The following CASP6 variants were observed in gnomAD, a reference collection of about 807,000 sequenced individuals.
CASP6 encodes the protein caspase-6.
Under a neutral mutation model 31.8 loss-of-function variants are expected in CASP6, and 20 were observed. That is an observed-to-expected ratio of 0.63 (90% CI 0.44 to 0.91). The LOEUF (loss-of-function observed/expected upper bound fraction) is 0.91. Ranked by LOEUF, CASP6 falls within the 40% of genes least tolerant of loss-of-function variation. CASP6 has a pLI of 0.00. For synonymous variants in CASP6, 130 were observed against 127.8 expected (o/e 1.02, Z -0.12); for missense variants, 328 against 361.1 (o/e 0.91, Z 0.74).
the CASP6 span, among the ~76,000 whole-genome samples, chr4:109,674,845 C>T: frequency 6.6e-6 from 1 of 152,174 alleles, no homozygotes; most frequent in Admixed American, 6.5e-5. Flanking sequence ...GGTAAATGAA[C>T]ACTTTTTAAA....
intron 6 of CASP6, among the ~76,000 whole-genome samples, chr4:109,690,202 C>G (rs1290490649): frequency 6.9e-6 from 1 of 145,980 alleles, no homozygotes; most frequent in East Asian, 2.0e-4. Flanking sequence ...AAAATACACA[C>G]ACACACACAC....
chr4:109,709,456 T>C, the CASP6 span, among the ~76,000 whole-genome samples: 1 of 152,186 alleles, frequency 6.6e-6, no homozygotes, highest in East Asian at 1.9e-4. Flanking sequence ...ATTCTTCCTA[T>C]ATCTGAATAG....
intron 5 of CASP6, among the ~76,000 whole-genome samples, chr4:109,693,099 T>C (rs1481986607): frequency 6.6e-6 from 1 of 152,072 alleles, no homozygotes; most frequent in Non-Finnish European, 1.5e-5. Flanking sequence ...GTCTGGGACC[T>C]CTCCCTTGGC....
Position 109,696,989 on chromosome 4 carries a change from T to C in CASP6, c.231-503A>G, listed in dbSNP as rs5030556. Among the ~76,000 whole-genome samples, 871 of 152,018 alleles carry C rather than the reference T, an allele frequency of 5.7e-3. 32 individuals are homozygous for C. The East Asian group carries it at 0.11, about 19-fold the overall frequency. ...TTTTAGGAGAGACAGGGTTTCACCA[T>C]GTTAGCCAGGATGGTCTCAATCTCC... is the stretch of plus-strand genomic sequence containing the variant. On this transcript the variant is annotated intron_variant, in intron 3 of 6. Coordinates refer to ENST00000265164, the MANE Select transcript of CASP6 (RefSeq NM_001226.4).
the CASP6 span, among the ~76,000 whole-genome samples, chr4:109,671,065 G>C: frequency 3.3e-5 from 5 of 152,100 alleles, no homozygotes; most frequent in Admixed American, 1.3e-4. Flanking sequence ...CAATTTTGGC[G>C]ACAGCAATTT....
Position 109,697,711 on chromosome 4 carries a change from A to T in CASP6, c.141T>A (p.Ala47=). 6.2e-7 allele frequency: 1 copy of T among 1,614,104 alleles called. No homozygotes were observed. The highest frequency in any genetic ancestry group is 8.5e-7 in the Non-Finnish European group (1 of 1,179,980). ...AGAACCTCTCATGATTGAAGATTAA[A>T]GCAATTCCTCTCCTCCTGTGGTCCA... ...YKMDHRRRGI[A]LIFNHERFFW... Residue 47 remains alanine, a synonymous_variant, in exon 3 of 7, where the codon GCT becomes GCA. Coordinates refer to ENST00000265164, the MANE Select transcript of CASP6 (RefSeq NM_001226.4).
At chr4:109,704,861 G>A (rs766424729), upstream of CASP6, among the ~76,000 whole-genome samples, 1 of 152,106 alleles carries the variant, frequency 6.6e-6, no homozygotes, top group Non-Finnish European at 1.5e-5. Context: ...GTGCCACCAT[G>A]TCCAGGTTAA....
At chr4:109,706,172 CACACACACAT>C (rs1730615221), upstream of CASP6, among the ~76,000 whole-genome samples, 1 of 58,916 alleles carries the variant, frequency 1.7e-5, no homozygotes, top group African/African-American at 1.1e-4. Context: ...TATATATATA[CACACACACAT>C]ATACACACAC....
At position 109,697,750 on chromosome 4, in the gene CASP6, T is replaced by C; in HGVS notation, c.102A>G (p.Ala34=). The change falls in exon 3 of 7, where the codon GCA becomes GCG. Residue 34 remains alanine, a synonymous_variant. Transcript: ENST00000265164. ...TCCTGTGGTCCATTTTGTACTTTTC[T>C]GCCGGATCAAACATTTCTCTGTTAA... is the stretch of plus-strand genomic sequence containing the variant. ...AFYKREMFDP[A]EKYKMDHRRR... 6.2e-7 allele frequency: 1 copy of C among 1,613,552 alleles called. No homozygotes were observed. Among genetic ancestry groups the C allele is most frequent in the Non-Finnish European group, 8.5e-7 (1 of 1,179,802 alleles).
intron 1 of CASP6, 116 bp from the exon 2 acceptor site, chr4:109,698,458 G>C: frequency 7.8e-6 from 6 of 766,498 alleles, no homozygotes; most frequent in Non-Finnish European, 1.2e-5. Context: ...GTTTTGGTTA[G>C]TTTAAAAGCC....
rs780123850 is a variant in CASP6, at chr4:109,690,897, G to A, written c.596C>T (p.Thr199Met). The change falls in exon 6 of 7, where the codon ACG becomes ATG. Residue 199 changes from threonine to methionine, a missense_variant. Transcript: ENST00000265164. ...ITEVDAASVY[T>M]LPAGADFLMC... ...GAGGAAGTCAGCTCCAGCAGGCAGC[G>A]TGTAAACGGAGGCTGCATCCACCTC... 11 of 1,613,006 alleles carry A rather than the reference G, an allele frequency of 6.8e-6. No homozygotes were observed. The highest frequency in any genetic ancestry group is 3.3e-5 in the Admixed American group (2 of 59,890).
At chr4:109,681,850 C>G in the CASP6 span, among the ~76,000 whole-genome samples, 1 of 152,232 alleles carries the variant, frequency 6.6e-6, no homozygotes, top group Non-Finnish European at 1.5e-5. Context: ...CGAGCAGTAA[C>G]AAACACGAAC....
chr4:109,682,085 G>T, the CASP6 span, among the ~76,000 whole-genome samples: 1 of 152,128 alleles, frequency 6.6e-6, no homozygotes, highest in Non-Finnish European at 1.5e-5. Context: ...CTGGTTGGGT[G>T]TGAGCCAAGT....
upstream of CASP6, among the ~76,000 whole-genome samples, chr4:109,707,970 C>T (rs572305195): frequency 4.6e-5 from 7 of 152,254 alleles, no homozygotes; most frequent in East Asian, 1.9e-4. Context: ...TGTAATTCCT[C>T]TGGACCTTGT....
In CASP6 at chr4:109,689,350, A is replaced by G. The variant is rs754263290; in HGVS notation, c.862T>C (p.Phe288Leu). 2 of 1,614,026 alleles carry G rather than the reference A, an allele frequency of 1.2e-6. No individual in the cohort carries two copies. The highest frequency in any genetic ancestry group is 1.7e-5 in the Admixed American group (1 of 60,008). The change falls in exon 7 of 7, where the codon TTC (phenylalanine) becomes CTC (leucine). Residue 288 changes from phenylalanine to leucine, a missense_variant. Physicochemically the swap from Phe to Leu is conservative, Grantham distance 22. Transcript: ENST00000265164. ...FASMLTKKLH[F>L]FPKSN ...ATTAATTAATTAGATTTTGGAAAGA[A>G]ATGCAGCTTTTTAGTTAGCATTGAG...
chr4:109,684,347 C>G, downstream of CASP6: 1 of 956,708 alleles, frequency 1.0e-6, no homozygotes, highest in Admixed American at 2.9e-5. Context: ...CAGGCGTGAG[C>G]CACCGCGCCC....
At position 109,694,714 on chromosome 4, in the gene CASP6, A is replaced by G. The variant is rs1407288737; in HGVS notation, c.308-14T>C. The stretch of plus-strand genomic sequence containing the variant: ...TAACAGTTGACACTATAAAGGACCC[A>G]AAAGAGAATATAGAAATGAAAATAT... On this transcript the variant is annotated splice_polypyrimidine_tract_variant and intron_variant, in intron 4 of 6. Coordinates refer to ENST00000265164, the MANE Select transcript of CASP6 (RefSeq NM_001226.4). 1 of 1,515,850 alleles carries G rather than the reference A, an allele frequency of 6.6e-7. No individual in the cohort carries two copies. The highest frequency in any genetic ancestry group is 2.4e-5 in the East Asian group (1 of 41,098). 93.9% of individuals were successfully genotyped at this position (1,515,850 alleles called of 1,614,324 possible).
chr4:109,687,379 T>G, downstream of CASP6: 2 of 598,468 alleles, frequency 3.3e-6, no homozygotes, highest in South Asian at 4.5e-5. Context: ...TATATATATT[T>G]CAGCCATTTG....
chr4:109,680,327 T>C, the CASP6 span, among the ~76,000 whole-genome samples: 1 of 152,166 alleles, frequency 6.6e-6, no homozygotes, highest in Non-Finnish European at 1.5e-5. Context: ...ACTATCCACT[T>C]TTTGTAAATT....
Sources: gnomAD v4.1 joint callset for allele counts (sites outside exome capture counted in the v4.1 genomes callset) on GRCh38, gnomAD v4.1.1 for gene constraint, MANE v1.5 for transcripts, NCBI Gene and HGNC (gene_info 2026-07-23, HGNC 2026-07-21) for gene names.